KCNG2: variants seen among roughly 807,000 people sequenced by gnomAD.
KCNG2 encodes voltage-gated potassium channel regulatory subunit KCNG2.
Under a neutral mutation model 12.3 loss-of-function variants are expected in KCNG2, and 7 were observed. The ratio of observed to expected loss-of-function variants is 0.57; its 90% CI spans 0.32 to 1.07. KCNG2 has a LOEUF of 1.07. KCNG2 is among the 50% of genes least tolerant of loss of function. The pLI is 0.04. For synonymous variants in KCNG2, 414 were observed against 351.4 expected, an observed-to-expected ratio of 1.18 and a Z score of -1.99; for missense variants, 703 against 726.0, an observed-to-expected ratio of 0.97 and a Z score of 0.36.
At chr18:79,867,944 C>T (rs1979674938) in intron 3 of KCNG2, among the ~76,000 whole-genome samples, 1 of 152,260 alleles carries the variant, frequency 6.6e-6, no homozygotes, top group African/African-American at 2.4e-5. Flanking sequence ...GCCCGAGTGC[C>T]AATCTGACTT....
intron 1 of KCNG2, among the ~76,000 whole-genome samples, chr18:79,852,200 C>T (rs887004788): frequency 6.6e-6 from 1 of 152,222 alleles, no homozygotes; most frequent in African/African-American, 2.4e-5. Context: ...CAGGGTCCCC[C>T]GCCTCCAGTG....
chr18:79,855,847 A>G lies in KCNG2; in HGVS notation c.-114-532A>G, dbSNP rs369017631. Among the ~76,000 whole-genome samples the G allele has an allele frequency of 3.7e-4, 56 of 152,234 alleles. No individual in the cohort carries two copies. The Middle Eastern group carries it at 0.014, about 37-fold the overall frequency. On this transcript the variant is annotated intron_variant, in intron 1 of 3. Transcript: ENST00000316249. ...TTGATCTAGTCTAATACCTGTGGCA[A>G]TTCAAGATGCTTATTTTTGCTCTTA...
chr18:79,870,204 C>T (rs1474928669), intron 3 of KCNG2, among the ~76,000 whole-genome samples: 3 of 152,366 alleles, frequency 2.0e-5, no homozygotes, highest in East Asian at 1.9e-4. Flanking sequence ...ACGTCGAAGG[C>T]GCCCTGTGAA....
intron 3 of KCNG2, among the ~76,000 whole-genome samples, chr18:79,881,280 T>C (rs992324619): frequency 1.3e-5 from 2 of 152,062 alleles, no homozygotes; most frequent in South Asian, 2.1e-4. Flanking sequence ...CGCCGTACGA[T>C]TGGAAAGCAA....
At chr18:79,798,419 G>A (rs1043588393) in intron 1 of KCNG2, among the ~76,000 whole-genome samples, 1 of 152,152 alleles carries the variant, frequency 6.6e-6, no homozygotes, top group Non-Finnish European at 1.5e-5. Context: ...AAGGGGCGCG[G>A]GTCTCGGGAA....
intron 1 of KCNG2, among the ~76,000 whole-genome samples, chr18:79,828,261 G>A (rs1271862749): frequency 6.6e-6 from 1 of 152,208 alleles, no homozygotes; most frequent in Non-Finnish European, 1.5e-5. Context: ...CAGACATGTA[G>A]GAATACTTAA....
chr18:79,816,201 G>A (rs1248738036), intron 1 of KCNG2: 1 of 152,252 alleles, frequency 6.6e-6, no homozygotes, highest in East Asian at 1.9e-4. Context: ...TCGGCTGAGG[G>A]ACTCTGTGGC....
Position 79,823,368 on chromosome 18 carries a change from G to A in KCNG2, c.-115+25354G>A, listed in dbSNP as rs889129919. ...AGGGTTGACTCCCAGAATTGGGGTT[G>A]CACAGAGGTCATTAGCCAGCCGGAT... On this transcript the variant is annotated intron_variant, in intron 1 of 3. Coordinates refer to ENST00000316249, the MANE Select transcript of KCNG2 (RefSeq NM_012283.2). Among the ~76,000 whole-genome samples, 46 of 152,202 alleles carry A rather than the reference G, an allele frequency of 3.0e-4. 1 individual carries two copies. The highest frequency in any genetic ancestry group is 2.0e-4 in the Admixed American group (3 of 15,282).
Position 79,863,949 on chromosome 18 carries a change from G to T in KCNG2, c.282G>T (p.Arg94=). The T allele has an allele frequency of 2.3e-6, 3 of 1,319,306 alleles. No homozygotes were observed. Among genetic ancestry groups the T allele is most frequent in the Non-Finnish European group, 2.9e-6 (3 of 1,027,902 alleles). The allele number at this position is 1,319,306 out of a possible 1,614,324, so 81.7% of individuals were successfully genotyped here. ...GCGCAGGGAAGCTGCGACTGCTGCG[G>T]GGCCCGTGCGCGCTGGCCTTCCGCG... is the stretch of plus-strand genomic sequence containing the variant. The part of the protein sequence containing the change: ...LLRAGKLRLL[R]GPCALAFRDE... Residue 94 remains arginine (R), a synonymous_variant, in exon 3 of 4, where the codon CGG becomes CGT. Coordinates refer to ENST00000316249, the MANE Select transcript of KCNG2 (RefSeq NM_012283.2).
chr18:79,855,703 C>T (rs1217467641), intron 1 of KCNG2, among the ~76,000 whole-genome samples: 1 of 152,080 alleles, frequency 6.6e-6, no homozygotes, highest in Non-Finnish European at 1.5e-5. Context: ...CCTGCACGGC[C>T]CCTGCTTTCC....
chr18:79,836,606 T>A (rs1268655573), intron 1 of KCNG2, among the ~76,000 whole-genome samples: 1 of 152,138 alleles, frequency 6.6e-6, no homozygotes, highest in East Asian at 1.9e-4. Context: ...TTGAATTGAC[T>A]CACAGTTCCA....
rs2122983511 is a variant in KCNG2, at chr18:79,800,460, G to T, written c.-115+2446G>T. Among the ~76,000 whole-genome samples, 2 of 152,324 alleles carry T rather than the reference G, an allele frequency of 1.3e-5. No individual in the cohort carries two copies. The highest frequency in any genetic ancestry group is 2.9e-5 in the Non-Finnish European group (2 of 68,030). On this transcript the variant is annotated intron_variant, in intron 1 of 3. Transcript: ENST00000316249. The surrounding 1 kb of genome is among the most constrained non-coding windows in gnomAD (Gnocchi z 4.0). ...CAGCCGGTAGGCATGAGTCCAACGA[G>T]GGCGGGCATTGACCGAGGTAGTTTA...
At chr18:79,798,424 CG>C (rs1253309444) in intron 1 of KCNG2, among the ~76,000 whole-genome samples, 1 of 152,110 alleles carries the variant, frequency 6.6e-6, no homozygotes, top group Non-Finnish European at 1.5e-5. Context: ...GCGCGGGTCT[CG>C]GGAAAACCCG....
Position 79,899,321 on chromosome 18 carries a change from G to A in KCNG2, c.906G>A (p.Ala302=), listed in dbSNP as rs375390845. 6.6e-5 allele frequency: 102 copies of A among 1,551,586 alleles called. 1 individual carries two copies. The African/African-American group carries it at 9.2e-4, about 14-fold the overall frequency. The change falls in exon 4 of 4, where the codon GCG becomes GCA. Residue 302 remains alanine, a synonymous_variant. Transcript: ENST00000316249. ...GCGTGCTCTACGTGATGCGCCTGGC[G>A]CGCCACTCGCTGGGGCTGCGTTCGC... The part of the protein sequence containing the change: ...ALRVLYVMRL[A]RHSLGLRSLG...
Position 79,899,120 on chromosome 18 carries a change from G to C in KCNG2, c.705G>C (p.Leu235=), listed in dbSNP as rs1157569422. 1 of 1,606,946 alleles carries C rather than the reference G, an allele frequency of 6.2e-7. No individual in the cohort carries two copies. ...CCTGGTTCTCCTTCGAGTTCCTGCT[G>C]CGCTCCCTGCAGGCCGAGAGCAAGT... ...CVAWFSFEFL[L]RSLQAESKCA... The change falls in exon 4 of 4, where the codon CTG becomes CTC. Residue 235 remains leucine (L), a synonymous_variant. Transcript: ENST00000316249.
intron 3 of KCNG2, among the ~76,000 whole-genome samples, chr18:79,889,254 C>G (rs1980662929): frequency 1.3e-5 from 2 of 152,342 alleles, no homozygotes; most frequent in East Asian, 3.9e-4. Flanking sequence ...AAGTCTCCTT[C>G]TAAAGTTCTG....
intron 1 of KCNG2, among the ~76,000 whole-genome samples, chr18:79,809,250 G>T (rs1300389630): frequency 5.1e-5 from 3 of 58,350 alleles, no homozygotes; most frequent in South Asian, 1.4e-3. Flanking sequence ...CACGTTATGG[G>T]CCCAGAGTCC....
At chr18:79,807,966 C>T (rs2087465003) in intron 1 of KCNG2, among the ~76,000 whole-genome samples, 1 of 108,890 alleles carries the variant, frequency 9.2e-6, no homozygotes, top group Non-Finnish European at 1.8e-5. Context: ...GCCGGGGCCG[C>T]GCTGACCACA....
intron 3 of KCNG2, among the ~76,000 whole-genome samples, chr18:79,880,390 T>C (rs952145753): frequency 1.3e-5 from 2 of 150,694 alleles, no homozygotes; most frequent in African/African-American, 2.4e-5. Flanking sequence ...ACATGCTCAG[T>C]CACCAAAATT....
Sources: gnomAD v4.1 joint callset for allele counts (sites outside exome capture counted in the v4.1 genomes callset) on GRCh38, gnomAD v4.1.1 for gene constraint, Gnocchi (gnomAD v3.1) non-coding constraint, MANE v1.5 for transcripts, NCBI Gene and HGNC (gene_info 2026-07-23, HGNC 2026-07-21) for gene names.